CBR4: variants seen among roughly 807,000 people sequenced by gnomAD.
The protein encoded by CBR4 is carbonyl reductase 4.
CBR4 carries 22 observed loss-of-function variants against 21.0 expected under a neutral mutation model. That is an observed-to-expected ratio of 1.05 (90% CI 0.75 to 1.50). The LOEUF (loss-of-function observed/expected upper bound fraction) is 1.50. Ranked by LOEUF, CBR4 falls within the 40% of genes most tolerant of loss-of-function variation. The pLI is 0.00. For missense variants in CBR4, 302 were observed against 286.3 expected (o/e 1.05, Z -0.40); for synonymous variants, 100 against 104.4 (o/e 0.96, Z 0.26).
intron 2 of CBR4, among the ~76,000 whole-genome samples, chr4:168,922,789 A>T (rs1439415437): frequency 6.6e-6 from 1 of 152,076 alleles, no homozygotes; most frequent in Non-Finnish European, 1.5e-5. Context: ...CTAAAACTTC[A>T]CTTTTCTGCT....
At chr4:168,914,123 T>C in intron 2 of CBR4, 1 of 783,782 alleles carries the variant, frequency 1.3e-6, no homozygotes, top group South Asian at 1.5e-5. Context: ...TAAACATAAC[T>C]GGAAGATAGA....
chr4:169,009,626 G>A (rs1421151951), intron 1 of CBR4, among the ~76,000 whole-genome samples: 1 of 152,250 alleles, frequency 6.6e-6, no homozygotes, highest in Non-Finnish European at 1.5e-5. Flanking sequence ...TCCCACAACA[G>A]GGAAGCTCCT....
rs1273859179 is a variant in CBR4 at position 169,009,284 on chromosome 4, T to TA, written c.142+663dup. 2.0e-5 allele frequency among the ~76,000 whole-genome samples: 3 copies of TA among 152,162 alleles called. 1 individual carries two copies. The highest frequency in any genetic ancestry group is 4.1e-4 in the South Asian group (2 of 4,824). ...TAATCCATTCATAATAAGCCGGAAATAAAAAACCCTGAAGTTTAAATGCAA... is the reference window on the plus strand; with the variant it reads ...TAATCCATTCATAATAAGCCGGAAATAAAAAAACCCTGAAGTTTAAATGCAA... On this transcript the variant is annotated intron_variant, in intron 1 of 4. Coordinates refer to ENST00000306193, the MANE Select transcript of CBR4 (RefSeq NM_032783.5).
intron 2 of CBR4, 86 bp from the exon 3 acceptor site, chr4:169,006,977 G>C: frequency 1.0e-6 from 1 of 1,004,608 alleles, no homozygotes; most frequent in Non-Finnish European, 1.5e-6. Context: ...TTTACTGAGA[G>C]TGCAAGAAGT....
intron 2 of CBR4, chr4:168,894,771 G>C: frequency 6.5e-7 from 1 of 1,545,548 alleles, no homozygotes; most frequent in South Asian, 1.2e-5. Context: ...GAGTTCTGTG[G>C]AAAGTAGAGG....
At chr4:168,951,899 TG>T (rs1763550870) in intron 2 of CBR4, among the ~76,000 whole-genome samples, 4 of 152,210 alleles carry the variant, frequency 2.6e-5, no homozygotes, top group African/African-American at 9.6e-5. Context: ...GCCTAGGTGA[TG>T]ATATTTTTGC....
chr4:168,911,890 G>A (rs190678952), intron 2 of CBR4, among the ~76,000 whole-genome samples: 3 of 152,286 alleles, frequency 2.0e-5, no homozygotes, highest in East Asian at 3.9e-4. Flanking sequence ...AGTCACATAT[G>A]TAGTGGTATA....
chr4:168,991,311 T>C (rs928602772), intron 4 of CBR4, among the ~76,000 whole-genome samples: 14 of 152,180 alleles, frequency 9.2e-5, no homozygotes, highest in African/African-American at 3.4e-4. Context: ...CTGGTGAATA[T>C]CCTGATAGAA....
At chr4:168,939,163 A>T (rs1436027252) in intron 2 of CBR4, among the ~76,000 whole-genome samples, 1 of 152,214 alleles carries the variant, frequency 6.6e-6, no homozygotes, top group Non-Finnish European at 1.5e-5. Flanking sequence ...CAATAAACGT[A>T]ATCCATCACA....
chr4:168,905,895 G>C (rs1757691159), intron 2 of CBR4, among the ~76,000 whole-genome samples: 1 of 149,454 alleles, frequency 6.7e-6, no homozygotes, highest in African/African-American at 2.5e-5. Context: ...CACCTCCTGG[G>C]TTCAAGCAAT....
chr4:169,010,221 A>C lies in CBR4; in HGVS notation c.-132T>G. The C allele has an allele frequency of 5.1e-6, 4 of 778,532 alleles. No homozygotes were observed. The highest frequency in any genetic ancestry group is 2.0e-5 in the South Asian group (1 of 49,320). 48.2% of individuals were successfully genotyped at this position (778,532 alleles called of 1,614,324 possible). A position where few individuals can be genotyped will look rare whatever the true frequency, so the allele number is the denominator to read the frequency against. ...AAAAGGCAAACCGCAAAAAAAAATA[A>C]CGCCGCTCGACACCTCCTGCAGCCG... On this transcript the variant is annotated 5_prime_UTR_variant, in exon 1 of 5. Transcript: ENST00000306193.
At chr4:168,968,835 G>A (rs923988181) in intron 2 of CBR4, among the ~76,000 whole-genome samples, 3 of 152,164 alleles carry the variant, frequency 2.0e-5, no homozygotes, top group Non-Finnish European at 4.4e-5. Context: ...AAGGGTCAGT[G>A]GTTTCTATTT....
At chr4:168,985,731 C>T (rs977840382), downstream of CBR4, among the ~76,000 whole-genome samples, 4 of 152,120 alleles carry the variant, frequency 2.6e-5, no homozygotes, top group Admixed American at 6.6e-5. Flanking sequence ...AGATCATGAC[C>T]TTTGCAGCAA....
intron 4 of CBR4, among the ~76,000 whole-genome samples, chr4:168,991,980 C>T (rs1353442828): frequency 1.3e-5 from 2 of 152,048 alleles, no homozygotes; most frequent in Non-Finnish European, 1.5e-5. Flanking sequence ...TTTAAAGTAC[C>T]ATAATAAATG....
chr4:168,978,304 A>C (rs1200751823), intron 2 of CBR4, among the ~76,000 whole-genome samples: 3 of 152,140 alleles, frequency 2.0e-5, no homozygotes, highest in Admixed American at 1.3e-4. Flanking sequence ...CAGATCAAAA[A>C]TATTTGGGGG....
At chr4:168,908,484 A>G (rs1758266162) in intron 2 of CBR4, among the ~76,000 whole-genome samples, 1 of 152,212 alleles carries the variant, frequency 6.6e-6, no homozygotes, top group Non-Finnish European at 1.5e-5. Flanking sequence ...TAGTCATGTC[A>G]TAAAAGGTGG....
intron 4 of CBR4, chr4:169,001,785 G>T: frequency 5.5e-6 from 1 of 181,934 alleles, no homozygotes; most frequent in Non-Finnish European, 1.1e-5. Context: ...GCAGATGTTG[G>T]TGTCATGCTT....
chr4:168,925,682 T>TA lies in CBR4; in HGVS notation n.170-30918dup, dbSNP rs201771137. ...ATCAGCATTATGTTATCCATTGACATAAAAAAAACACTAGAAAAAAATTAA... is the reference window on the plus strand; with the variant it reads ...ATCAGCATTATGTTATCCATTGACATAAAAAAAAACACTAGAAAAAAATTAA... On this transcript the variant is annotated intron_variant and non_coding_transcript_variant, in intron 2 of 3. Coordinates refer to the CBR4 transcript ENST00000509108. Among the ~76,000 whole-genome samples the TA allele has an allele frequency of 3.4e-3, 517 of 152,004 alleles. 2 individuals carry two copies. Among genetic ancestry groups the TA allele is most frequent in the African/African-American group, 5.8e-3 (239 of 41,484 alleles).
chr4:168,975,115 TCCC>T lies in CBR4; in HGVS notation n.169+26953_169+26955del, dbSNP rs969356770. On this transcript the variant is annotated intron_variant and non_coding_transcript_variant, in intron 2 of 3. Coordinates refer to the CBR4 transcript ENST00000509108. ...GGGGTGATCCCTTGATGTGGTTCTC[TCCC>T]CCTTCCTCTAGGAATGGGGCTTCCT... Among the ~76,000 whole-genome samples, 147 of 152,320 alleles carry T rather than the reference TCCC, an allele frequency of 9.7e-4. 2 individuals carry two copies. Among genetic ancestry groups the T allele is most frequent in the African/African-American group, 3.4e-3 (142 of 41,576 alleles).
Sources: gnomAD v4.1 joint callset for allele counts (sites outside exome capture counted in the v4.1 genomes callset) on GRCh38, gnomAD v4.1.1 for gene constraint, MANE v1.5 for transcripts, NCBI Gene and HGNC (gene_info 2026-07-23, HGNC 2026-07-21) for gene names.